Variants in ERBIN observed in about 807,000 individuals in gnomAD.
The protein encoded by ERBIN is erbb2 interacting protein.
ERBIN carries 60 observed loss-of-function variants against 158.4 expected under a neutral mutation model. That is an observed-to-expected ratio of 0.38 (90% confidence interval 0.31 to 0.47). The LOEUF (loss-of-function observed/expected upper bound fraction) is 0.47. ERBIN is among the 20% of genes least tolerant of loss of function. The pLI is 0.99. For missense variants in ERBIN, 1,610 were observed against 1,648.0 expected (o/e 0.98, Z 0.40); for synonymous variants, 594 against 557.2 (o/e 1.07, Z -0.93).
chr5:66,014,437 G>A (rs923270237), intron 6 of ERBIN, among the ~76,000 whole-genome samples: 1 of 152,090 alleles, frequency 6.6e-6, no homozygotes, highest in Non-Finnish European at 1.5e-5. Context: ...TATTCACTTT[G>A]TCGCTTTGAA....
At chr5:65,935,764 G>A (rs1276884120) in intron 1 of ERBIN, among the ~76,000 whole-genome samples, 3 of 151,986 alleles carry the variant, frequency 2.0e-5, no homozygotes, top group Non-Finnish European at 2.9e-5. Flanking sequence ...TCGCTCTGTC[G>A]CCCAGGCTGT....
At chr5:66,030,562 CTT>C (rs766454675) in intron 14 of ERBIN, among the ~76,000 whole-genome samples, 40 of 128,282 alleles carry the variant, frequency 3.1e-4, no homozygotes, top group Middle Eastern at 3.8e-3. Context: ...ACAGTAGCAC[CTT>C]TTTTTTTTTT....
chr5:65,987,395 CGA>C (rs1751372224), intron 1 of ERBIN, among the ~76,000 whole-genome samples: 1 of 151,164 alleles, frequency 6.6e-6, no homozygotes, highest in African/African-American at 2.4e-5. Context: ...CACACACACA[CGA>C]AAAAAGAAAA....
intron 4 of ERBIN, among the ~76,000 whole-genome samples, chr5:66,007,425 GATATAC>G (rs1753724495): frequency 2.5e-5 from 1 of 40,578 alleles, no homozygotes; most frequent in African/African-American, 1.5e-4. Context: ...AGCGTTAGGA[GATATAC>G]CTATACCTAA....
chr5:66,019,371 A>G (rs1247263883), intron 7 of ERBIN, among the ~76,000 whole-genome samples: 4 of 152,328 alleles, frequency 2.6e-5, no homozygotes, highest in African/African-American at 4.8e-5. Flanking sequence ...TACCTAAAGA[A>G]TACTGGAGGG....
chr5:66,014,912 G>C (rs1418897210), intron 7 of ERBIN, among the ~76,000 whole-genome samples, 187 bp downstream of exon 7: 4 of 152,078 alleles, frequency 2.6e-5, no homozygotes, highest in Non-Finnish European at 4.4e-5. Flanking sequence ...GGTGCTTAAC[G>C]TGGTACTGTG....
chr5:66,020,149 G>T (rs1455430465), intron 7 of ERBIN, among the ~76,000 whole-genome samples: 1 of 151,904 alleles, frequency 6.6e-6, no homozygotes, highest in Non-Finnish European at 1.5e-5. Context: ...ATAAAAATTG[G>T]CATTATGAGA....
In ERBIN at chr5:65,994,716, A is replaced by G. The variant is rs56195564; in HGVS notation, c.190-31A>G. The G allele has an allele frequency of 4.3e-3, 5,276 of 1,225,196 alleles. 68 individuals are homozygous for G. The highest frequency in any genetic ancestry group is 0.033 in the African/African-American group (2,163 of 66,214). The allele number at this position is 1,225,196 out of a possible 1,614,324, so 75.9% of individuals were successfully genotyped here. On this transcript the variant is annotated intron_variant, in intron 3 of 25. Transcript: ENST00000284037. ...CATGAAATATTTAAAGATGTATATA[A>G]TTGACATTCTTTCCTCCCTTTTTTC...
intron 1 of ERBIN, among the ~76,000 whole-genome samples, chr5:65,948,659 C>G (rs984775935): frequency 6.6e-6 from 1 of 151,526 alleles, no homozygotes; most frequent in Non-Finnish European, 1.5e-5. Flanking sequence ...TTACATCCCT[C>G]TAAACATCAT....
In ERBIN at chr5:66,014,742, T is replaced by C. The variant is rs1754535885; in HGVS notation, c.533+17T>C. ...GTTGCCTAAGTAAGTAAAGGTGCTATTCTTTAAAAAACTTAATTTATAATT... is the reference window on the plus strand; with the variant it reads ...GTTGCCTAAGTAAGTAAAGGTGCTACTCTTTAAAAAACTTAATTTATAATT... On this transcript the variant is annotated intron_variant, in intron 7 of 25. Transcript: ENST00000284037. 1 of 1,287,696 alleles carries C rather than the reference T, an allele frequency of 7.8e-7. No homozygotes were observed. The highest frequency in any genetic ancestry group is 1.6e-5 in the African/African-American group (1 of 64,014). 79.8% of individuals were successfully genotyped at this position (1,287,696 alleles called of 1,614,324 possible).
intron 15 of ERBIN, among the ~76,000 whole-genome samples, chr5:66,040,348 T>A (rs1757805043): frequency 6.6e-6 from 1 of 151,936 alleles, no homozygotes; most frequent in South Asian, 2.1e-4. Flanking sequence ...TTCTATTCTA[T>A]CATTGAAATT....
At chr5:66,007,396 G>A (rs1753719704) in intron 4 of ERBIN, among the ~76,000 whole-genome samples, 1 of 139,550 alleles carries the variant, frequency 7.2e-6, no homozygotes, top group Admixed American at 7.1e-5. Flanking sequence ...TCGTGGGGTT[G>A]GGGGAGCGGG....
chr5:66,061,821 A>G (rs1489968623), intron 21 of ERBIN, among the ~76,000 whole-genome samples: 1 of 152,168 alleles, frequency 6.6e-6, no homozygotes, highest in Non-Finnish European at 1.5e-5. Flanking sequence ...TTGGCTGGAT[A>G]TGAAATTCTG....
Position 66,081,435 on chromosome 5 carries a change from T to TA in ERBIN, c.*2911dup. ...CTTTTAAGTATTAATTTGCTGCACTTAAAAAATCCCATTAGCAGCTATGTA... is the reference window on the plus strand; with the variant it reads ...CTTTTAAGTATTAATTTGCTGCACTTAAAAAAATCCCATTAGCAGCTATGTA... On this transcript the variant is annotated 3_prime_UTR_variant, in exon 26 of 26. Coordinates refer to ENST00000284037, the MANE Select transcript of ERBIN (RefSeq NM_001253697.2). 1 of 152,060 alleles carries TA rather than the reference T, an allele frequency of 6.6e-6. No individual in the cohort carries two copies. Among genetic ancestry groups the TA allele is most frequent in the Non-Finnish European group, 1.5e-5 (1 of 67,934 alleles). The allele number at this position is 152,060 out of a possible 1,614,324, so 9.4% of individuals were successfully genotyped here.
At chr5:66,010,413 CAG>C (rs1204611356) in intron 4 of ERBIN, among the ~76,000 whole-genome samples, 9 of 152,148 alleles carry the variant, frequency 5.9e-5, no homozygotes, top group African/African-American at 1.7e-4. Flanking sequence ...TGGTGCTTGT[CAG>C]ATTTCTCTAC....
chr5:65,963,428 T>C (rs1360194413), intron 1 of ERBIN, among the ~76,000 whole-genome samples: 1 of 152,092 alleles, frequency 6.6e-6, no homozygotes, highest in East Asian at 1.9e-4. Flanking sequence ...AAACCCCGTC[T>C]CTACTAAAAA....
chr5:65,992,821 G>A lies in ERBIN; in HGVS notation c.103G>A (p.Glu35Lys). Residue 35 changes from glutamate (E) to lysine (K), a missense_variant, in exon 3 of 26, where the codon GAA becomes AAA. This residue lies in a region of ERBIN where 596 missense variants were observed against 711.9 expected (regional missense o/e 0.84). Coordinates refer to ENST00000284037, the MANE Select transcript of ERBIN (RefSeq NM_001253697.2). ...TTLDYSHCSL[E>K]QVPKEIFTFE... ...TCTTGATTATTCTCATTGCAGCTTA[G>A]AACAAGTTCCGAAAGAGATTTTTAC... 6.2e-7 allele frequency: 1 copy of A among 1,613,686 alleles called. No individual in the cohort carries two copies. The highest frequency in any genetic ancestry group is 8.5e-7 in the Non-Finnish European group (1 of 1,179,790).
chr5:66,050,852 GTTC>G lies in ERBIN; in HGVS notation c.1978_1980del (p.Ser660del), dbSNP rs776881957. The stretch of plus-strand genomic sequence containing the variant: ...AATAGCAATCAGAATAACAGCAATT[GTTC>G]TTCTCCATCTCGGATGTCTGATTCA... On this transcript the variant is annotated inframe_deletion, in exon 20 of 26. Coordinates refer to ENST00000284037, the MANE Select transcript of ERBIN (RefSeq NM_001253697.2). The G allele has an allele frequency of 2.2e-5, 35 of 1,601,712 alleles. No individual in the cohort carries two copies. The highest frequency in any genetic ancestry group is 2.7e-5 in the African/African-American group (2 of 73,726).
chr5:66,022,902 A>G (rs1273238316), intron 8 of ERBIN: 1 of 154,892 alleles, frequency 6.5e-6, no homozygotes, highest in Non-Finnish European at 1.4e-5. Context: ...TAAAAGCTGT[A>G]TCTTCTTACT....
Sources: gnomAD v4.1 joint callset for allele counts (sites outside exome capture counted in the v4.1 genomes callset) on GRCh38, gnomAD v4.1.1 for gene constraint, gnomAD v4.1.1 regional missense constraint, MANE v1.5 for transcripts, NCBI Gene and HGNC (gene_info 2026-07-23, HGNC 2026-07-21) for gene names.